Variants in PDE12 observed in about 807,000 individuals in gnomAD.
The protein encoded by PDE12 is phosphodiesterase 12.
PDE12 carries 26 observed loss-of-function variants against 45.4 expected under a neutral mutation model. The observed-to-expected ratio is 0.57, with a 90% confidence interval of 0.42 to 0.79. PDE12 has a LOEUF of 0.79. Ranked by LOEUF, PDE12 falls within the 30% of genes least tolerant of loss-of-function variation. The probability of loss-of-function intolerance (pLI) is 0.00; values close to 1 mark genes in which losing one functional copy is unlikely to be tolerated. For synonymous variants in PDE12, 283 were observed against 323.9 expected, an observed-to-expected ratio of 0.87 and a Z score of 1.36; for missense variants, 668 against 790.0, an observed-to-expected ratio of 0.85 and a Z score of 1.85.
At chr3:57,581,719 G>A in the PDE12 span, among the ~76,000 whole-genome samples, 3 of 152,162 alleles carry the variant, frequency 2.0e-5, no homozygotes, top group East Asian at 3.9e-4. Flanking sequence ...AGAATCGCTT[G>A]AACCCAGGAG....
chr3:57,573,616 T>A, the PDE12 span, among the ~76,000 whole-genome samples: 2 of 152,328 alleles, frequency 1.3e-5, no homozygotes, highest in East Asian at 3.9e-4. Flanking sequence ...GAGTACTCAC[T>A]CTTGCCCAGA....
the PDE12 span, among the ~76,000 whole-genome samples, chr3:57,592,224 C>G: frequency 1.3e-5 from 2 of 152,166 alleles, no homozygotes; most frequent in Non-Finnish European, 2.9e-5. Context: ...CACGGTGACT[C>G]ATGCCTGTAA....
the PDE12 span, among the ~76,000 whole-genome samples, chr3:57,589,197 G>C: frequency 0.024 from 3,655 of 152,272 alleles, 67 homozygotes; most frequent in Non-Finnish European, 0.035. Flanking sequence ...GACCCCAGGA[G>C]GTCAAGGCTG....
At chr3:57,617,414 G>A in the PDE12 span, among the ~76,000 whole-genome samples, 42 of 152,130 alleles carry the variant, frequency 2.8e-4, no homozygotes, top group African/African-American at 9.6e-4. Flanking sequence ...ATAAAAAGTA[G>A]TAAAAATAGA....
chr3:57,613,575 A>G, the PDE12 span, among the ~76,000 whole-genome samples: 1 of 151,290 alleles, frequency 6.6e-6, no homozygotes, highest in Non-Finnish European at 1.5e-5. Context: ...TACAGGTGTG[A>G]GCCACCATGC....
chr3:57,628,660 T>C, the PDE12 span: 1 of 778,866 alleles, frequency 1.3e-6, no homozygotes, highest in Non-Finnish European at 2.0e-6. Context: ...TGACCAAGTA[T>C]TTTCAGCAGT....
chr3:57,560,318 T>C lies in PDE12; in HGVS notation c.*314T>C. The C allele has an allele frequency of 9.4e-7, 1 of 1,060,588 alleles. No individual in the cohort carries two copies. The highest frequency in any genetic ancestry group is 1.1e-6 in the Non-Finnish European group (1 of 871,456). The allele number at this position is 1,060,588 out of a possible 1,614,324, so 65.7% of individuals were successfully genotyped here. Reference sequence around the variant, plus strand: ...AATTAGCGTGTTTTTTGTTTGTTTGTTTTTGTTTTTGTTTTTGTTTTTTTG... The same window carrying C: ...AATTAGCGTGTTTTTTGTTTGTTTGCTTTTGTTTTTGTTTTTGTTTTTTTG... On this transcript the variant is annotated 3_prime_UTR_variant, in exon 3 of 3. Coordinates refer to ENST00000311180, the MANE Select transcript of PDE12 (RefSeq NM_177966.7).
chr3:57,594,964 T>C, the PDE12 span, among the ~76,000 whole-genome samples: 2 of 152,232 alleles, frequency 1.3e-5, no homozygotes, highest in Non-Finnish European at 2.9e-5. Context: ...ATCTTGTGAC[T>C]GAAGTGTTTT....
At chr3:57,644,185 G>C in the PDE12 span, among the ~76,000 whole-genome samples, 1 of 150,302 alleles carries the variant, frequency 6.7e-6, no homozygotes, top group Non-Finnish European at 1.5e-5. Context: ...TCTGAAATCA[G>C]AACTCAGAAC....
the PDE12 span, chr3:57,654,719 A>C: frequency 5.1e-6 from 5 of 985,070 alleles, no homozygotes; most frequent in Admixed American, 6.2e-5. Context: ...GGTCCATGGA[A>C]TAGACCTTGA....
chr3:57,570,151 C>A (rs1188420780), downstream of PDE12, among the ~76,000 whole-genome samples: 1 of 150,272 alleles, frequency 6.7e-6, no homozygotes, highest in Non-Finnish European at 1.5e-5. Context: ...ACAAGTAACA[C>A]AAACTAAACA....
chr3:57,584,360 A>G, the PDE12 span: 7 of 1,541,994 alleles, frequency 4.5e-6, no homozygotes, highest in Non-Finnish European at 6.3e-6. Context: ...ATCATGATAT[A>G]AAGTCATCTG....
Position 57,561,342 on chromosome 3 carries a change from T to C in PDE12, c.*1338T>C. 1 of 985,176 alleles carries C rather than the reference T, an allele frequency of 1.0e-6. No individual in the cohort carries two copies. Among genetic ancestry groups the C allele is most frequent in the Non-Finnish European group, 1.2e-6 (1 of 829,316 alleles). 61.0% of individuals were successfully genotyped at this position (985,176 alleles called of 1,614,324 possible). A position where few individuals can be genotyped will look rare whatever the true frequency, so the allele number is the denominator to read the frequency against. On this transcript the variant is annotated 3_prime_UTR_variant, in exon 3 of 3. Coordinates refer to ENST00000311180, the MANE Select transcript of PDE12 (RefSeq NM_177966.7). The stretch of plus-strand genomic sequence containing the variant: ...CAGGAAAAAGGTTGAGTAGTGGGAC[T>C]TTTAAGCATCTCTGAAATAAAAAAC...
the PDE12 span, among the ~76,000 whole-genome samples, chr3:57,593,955 T>C: frequency 6.6e-6 from 1 of 152,130 alleles, no homozygotes; most frequent in African/African-American, 2.4e-5. Context: ...TTAAAAAATA[T>C]ATACAAAATA....
chr3:57,632,926 CTTTT>C, the PDE12 span, among the ~76,000 whole-genome samples: 2 of 152,164 alleles, frequency 1.3e-5, no homozygotes, highest in Non-Finnish European at 2.9e-5. Context: ...CTATAATCTT[CTTTT>C]AAGGTGAAAA....
chr3:57,557,757 T>A, intron 1 of PDE12, 70 bp downstream of exon 1: 1 of 1,405,844 alleles, frequency 7.1e-7, no homozygotes. Context: ...AGGAATGAGG[T>A]GGGGGTTAAA....
At chr3:57,574,998 C>T in the PDE12 span, among the ~76,000 whole-genome samples, 2 of 152,106 alleles carry the variant, frequency 1.3e-5, no homozygotes, top group East Asian at 3.9e-4. Flanking sequence ...TACAGGCATG[C>T]GCAACCACAC....
chr3:57,556,370 C>G lies in PDE12; in HGVS notation c.-10C>G, dbSNP rs776963722. ...CCGCGGGTCTTGTCGACCGCTAGGCCACCAGGTTCATGTGGAGGCTCCCAG... is the reference window on the plus strand; with the variant it reads ...CCGCGGGTCTTGTCGACCGCTAGGCGACCAGGTTCATGTGGAGGCTCCCAG... On this transcript the variant is annotated 5_prime_UTR_variant, in exon 1 of 3. Coordinates refer to ENST00000311180, the MANE Select transcript of PDE12 (RefSeq NM_177966.7). The surrounding 1 kb of genome is among the most constrained non-coding windows in gnomAD (Gnocchi z 5.0). The G allele has an allele frequency of 4.5e-6, 7 of 1,555,604 alleles. No individual in the cohort carries two copies. Among genetic ancestry groups the G allele is most frequent in the Non-Finnish European group, 6.1e-6 (7 of 1,150,552 alleles).
chr3:57,577,524 A>G, the PDE12 span: 1 of 668,088 alleles, frequency 1.5e-6, no homozygotes, highest in African/African-American at 1.8e-5. Context: ...TTAAGGCTGT[A>G]ATGCTAAAAG....
Sources: allele counts gnomAD v4.1 joint callset (sites outside exome capture counted in the v4.1 genomes callset), GRCh38; gene constraint gnomAD v4.1.1; non-coding constraint Gnocchi (gnomAD v3.1); transcripts MANE v1.5; gene names NCBI Gene and HGNC (gene_info 2026-07-23, HGNC 2026-07-21).